The following DIAPH3 variants were observed in gnomAD, a reference collection of about 807,000 sequenced individuals.
DIAPH3 encodes diaphanous related formin 3.
In DIAPH3, 117 loss-of-function variants were observed where a neutral mutation model predicts 144.3. The ratio of observed to expected loss-of-function variants is 0.81; its 90% CI spans 0.70 to 0.95. DIAPH3 has a LOEUF of 0.95. Ranked by LOEUF, DIAPH3 falls within the 40% of genes least tolerant of loss-of-function variation. The pLI is 0.00. For synonymous variants in DIAPH3, 519 were observed against 488.9 expected, an observed-to-expected ratio of 1.06 and a Z score of -0.81; for missense variants, 1,421 against 1,412.7, an observed-to-expected ratio of 1.01 and a Z score of -0.09.
chr13:59,887,831 A>G (rs2045551055), intron 20 of DIAPH3, among the ~76,000 whole-genome samples: 1 of 151,986 alleles, frequency 6.6e-6, no homozygotes, highest in African/African-American at 2.4e-5. Context: ...GAGAATTTGT[A>G]TATTTTTCCA....
At chr13:59,952,280 AG>A (rs1183552055) in intron 17 of DIAPH3, among the ~76,000 whole-genome samples, 1 of 152,182 alleles carries the variant, frequency 6.6e-6, no homozygotes. Context: ...TAAGGGGTCC[AG>A]GGTTTTACTT....
At chr13:60,042,654 A>G in intron 5 of DIAPH3, 36 bp downstream of exon 5, 2 of 1,612,448 alleles carry the variant, frequency 1.2e-6, no homozygotes, top group African/African-American at 1.3e-5. Context: ...CACATTAATG[A>G]CATCTGCCCT....
chr13:59,768,160 A>C (rs919991092), intron 27 of DIAPH3, among the ~76,000 whole-genome samples: 5 of 152,130 alleles, frequency 3.3e-5, no homozygotes, highest in Non-Finnish European at 5.9e-5. Context: ...TGACAGCTAC[A>C]GGTAGCATTT....
intron 3 of DIAPH3, among the ~76,000 whole-genome samples, chr13:60,104,911 C>T (rs536744506): frequency 2.5e-4 from 38 of 151,974 alleles, no homozygotes; most frequent in African/African-American, 7.2e-4. Flanking sequence ...CTGGCTAACA[C>T]GGTGAAACCC....
At chr13:59,692,122 T>C (rs669549) in intron 27 of DIAPH3, among the ~76,000 whole-genome samples, 7 of 145,160 alleles carry the variant, frequency 4.8e-5, no homozygotes, top group Admixed American at 3.4e-4. Context: ...AGATTACTCA[T>C]AGCTTTGAGA....
At chr13:59,768,519 C>T (rs1593799263) in intron 27 of DIAPH3, among the ~76,000 whole-genome samples, 2 of 152,104 alleles carry the variant, frequency 1.3e-5, no homozygotes, top group African/African-American at 4.8e-5. Context: ...TAAAGACAAA[C>T]TCTTGCTGTT....
intron 27 of DIAPH3, among the ~76,000 whole-genome samples, chr13:59,680,330 T>C (rs1373052044): frequency 6.6e-6 from 1 of 152,210 alleles, no homozygotes; most frequent in African/African-American, 2.4e-5. Context: ...TTATGAACTT[T>C]AGAATGCCTA....
At chr13:59,962,232 T>A (rs1052212312) in intron 17 of DIAPH3, among the ~76,000 whole-genome samples, 1 of 152,198 alleles carries the variant, frequency 6.6e-6, no homozygotes, top group Non-Finnish European at 1.5e-5. Context: ...AAAGACCCCA[T>A]TGACAGTCAA....
chr13:60,016,289 T>G, intron 5 of DIAPH3, 144 bp from the exon 6 acceptor site: 1 of 807,370 alleles, frequency 1.2e-6, no homozygotes, highest in Admixed American at 2.5e-5. Context: ...AAATTATTCA[T>G]GACTCATCTT....
At chr13:59,789,089 G>T (rs774735147) in intron 25 of DIAPH3, among the ~76,000 whole-genome samples, 2 of 152,158 alleles carry the variant, frequency 1.3e-5, no homozygotes, top group Admixed American at 6.6e-5. Flanking sequence ...AGGGTCTAGG[G>T]TGCTGAACAG....
intron 20 of DIAPH3, among the ~76,000 whole-genome samples, chr13:59,904,053 T>C (rs1395835323): frequency 6.6e-6 from 1 of 152,198 alleles, no homozygotes; most frequent in African/African-American, 2.4e-5. Flanking sequence ...TACTGAATTT[T>C]GTATAGAATG....
intron 22 of DIAPH3, among the ~76,000 whole-genome samples, chr13:59,850,893 C>G (rs2139849530): frequency 6.8e-6 from 1 of 147,248 alleles, no homozygotes; most frequent in Admixed American, 6.8e-5. Context: ...AATAGTTTAC[C>G]AACCAAAAAG....
intron 9 of DIAPH3, among the ~76,000 whole-genome samples, chr13:59,994,745 A>T (rs1357181870): frequency 6.6e-6 from 1 of 151,898 alleles, no homozygotes; most frequent in Non-Finnish European, 1.5e-5. Flanking sequence ...CAAGCAATTC[A>T]AATTTTATGA....
chr13:59,875,542 T>C (rs1593785804), intron 21 of DIAPH3, among the ~76,000 whole-genome samples: 1 of 151,992 alleles, frequency 6.6e-6, no homozygotes, highest in East Asian at 1.9e-4. Context: ...AAAAAAATCC[T>C]GACGAAACTG....
intron 22 of DIAPH3, among the ~76,000 whole-genome samples, chr13:59,855,271 C>T (rs1054943311): frequency 2.9e-4 from 44 of 152,236 alleles, no homozygotes; most frequent in African/African-American, 1.0e-3. Flanking sequence ...ACTTGCAATA[C>T]ACTACAAATA....
At chr13:59,918,545 C>T (rs951002417) in intron 18 of DIAPH3, among the ~76,000 whole-genome samples, 1 of 152,088 alleles carries the variant, frequency 6.6e-6, no homozygotes, top group African/African-American at 2.4e-5. Flanking sequence ...CATTAAGAAC[C>T]ACGAAAGTAA....
chr13:59,920,459 A>G (rs527766289), intron 18 of DIAPH3, among the ~76,000 whole-genome samples: 2 of 151,962 alleles, frequency 1.3e-5, no homozygotes, highest in South Asian at 4.2e-4. Context: ...AAAGGATATT[A>G]CATAATAAAG....
At chr13:59,676,789 G>T (rs1763214946) in intron 27 of DIAPH3, among the ~76,000 whole-genome samples, 1 of 152,094 alleles carries the variant, frequency 6.6e-6, no homozygotes, top group African/African-American at 2.4e-5. Flanking sequence ...TTTTTGATAT[G>T]CATTTAATAA....
At chr13:59,819,526 A>G (rs1357827454) in intron 24 of DIAPH3, among the ~76,000 whole-genome samples, 6 of 151,892 alleles carry the variant, frequency 4.0e-5, no homozygotes, top group Admixed American at 3.9e-4. Context: ...CAGATATCTT[A>G]TTTCTAAAAA....
Sources: gnomAD v4.1 joint callset for allele counts (sites outside exome capture counted in the v4.1 genomes callset) on GRCh38, gnomAD v4.1.1 for gene constraint, MANE v1.5 for transcripts, NCBI Gene and HGNC (gene_info 2026-07-23, HGNC 2026-07-21) for gene names.